KIF13A: variants seen among roughly 807,000 people sequenced by gnomAD.
The protein encoded by KIF13A is kinesin family member 13A.
KIF13A carries 79 observed loss-of-function variants against 212.2 expected under a neutral mutation model. That is an observed-to-expected ratio of 0.37 (90% CI 0.31 to 0.45). The LOEUF is 0.45. Among genes scored for constraint, KIF13A ranks in the 20% least tolerant of loss-of-function variants. The pLI is 1.00. For missense variants in KIF13A, 1,901 were observed against 2,209.0 expected (o/e 0.86, Z 2.79); for synonymous variants, 789 against 808.6 (o/e 0.98, Z 0.41).
In KIF13A at chr6:17,843,561, TTGGAATGATAGAGC is replaced by T. The variant is rs1766725595; in HGVS notation, c.830+5802_830+5815del. 6.6e-6 allele frequency among the ~76,000 whole-genome samples: 1 copy of T among 152,204 alleles called. No homozygotes were observed. The highest frequency in any genetic ancestry group is 2.4e-5 in the African/African-American group (1 of 41,450). On this transcript the variant is annotated intron_variant, in intron 9 of 38. Coordinates refer to ENST00000259711, the MANE Select transcript of KIF13A (RefSeq NM_022113.6). This position sits in a 1 kb window ranked among gnomAD's most constrained non-coding sequence, Gnocchi z 5.3. Reference sequence around the variant, plus strand: ...TGTACCACAGATATGGATACGATGTTTGGAATGATAGAGCTATCCTGAGATCATGAAGATGACAT... The same window carrying T: ...TGTACCACAGATATGGATACGATGTTTATCCTGAGATCATGAAGATGACAT...
rs1779056754 is a variant in KIF13A, at chr6:17,963,753, C to T, written c.146+23301G>A. On this transcript the variant is annotated intron_variant, in intron 2 of 38. Transcript: ENST00000259711. This position sits in a 1 kb window ranked among gnomAD's most constrained non-coding sequence, Gnocchi z 4.1. ...TGCATTTTTAGTAGAGACAGGGTTCCACCATGTTGGCCAAGCTGGTTTCAT... is the reference window on the plus strand; with the variant it reads ...TGCATTTTTAGTAGAGACAGGGTTCTACCATGTTGGCCAAGCTGGTTTCAT... 6.6e-6 allele frequency among the ~76,000 whole-genome samples: 1 copy of T among 152,126 alleles called. No homozygotes were observed. The highest frequency in any genetic ancestry group is 1.5e-5 in the Non-Finnish European group (1 of 68,014).
At chr6:17,873,269 G>A in intron 4 of KIF13A, 108 bp downstream of exon 4, 2 of 716,676 alleles carry the variant, frequency 2.8e-6, no homozygotes, top group Non-Finnish European at 4.6e-6. Flanking sequence ...GAAAGAACAG[G>A]TGTGAATTAC....
chr6:17,883,053 C>T lies in KIF13A; in HGVS notation c.160-9616G>A, dbSNP rs985945784. 3.3e-5 allele frequency among the ~76,000 whole-genome samples: 5 copies of T among 152,104 alleles called. No individual in the cohort carries two copies. Among genetic ancestry groups the T allele is most frequent in the African/African-American group, 1.2e-4 (5 of 41,402 alleles). ...TCTTTTCATTACCAAAAATACTCGG[C>T]GAATTTACATTTTAAAGCAACTTTT... On this transcript the variant is annotated intron_variant, in intron 3 of 38. Coordinates refer to ENST00000259711, the MANE Select transcript of KIF13A (RefSeq NM_022113.6). This position sits in a 1 kb window ranked among gnomAD's most constrained non-coding sequence, Gnocchi z 4.8.
intron 4 of KIF13A, 163 bp downstream of exon 4, chr6:17,873,214 C>G (rs941404037): frequency 1.3e-5 from 7 of 539,962 alleles, no homozygotes; most frequent in Non-Finnish European, 1.9e-5. Context: ...GACCCAGATT[C>G]TGAAACCAAA....
rs202231672 is a variant in KIF13A at position 17,799,361 on chromosome 6, A to T, written c.2695T>A (p.Cys899Ser). 5.7e-5 allele frequency: 92 copies of T among 1,612,674 alleles called. No individual in the cohort carries two copies. In the African/African-American group the frequency reaches 9.3e-4, roughly 16 times the overall value. ...VFCQYTFWDQ[C>S]ESTVAAPVVD... ...ACCGGGGCAGCCACCGTAGACTCAC[A>T]CTGGTCCCAGAATGTGTATTGACAG... Residue 899 changes from cysteine to serine, a missense_variant, in exon 22 of 39, where the codon TGT becomes AGT. Around this residue, in one of 5 missense-constraint regions of KIF13A, gnomAD observed 534 missense variants for 536.9 expected, o/e 0.99. Coordinates refer to ENST00000259711, the MANE Select transcript of KIF13A (RefSeq NM_022113.6). This position sits in a 1 kb window ranked among gnomAD's most constrained non-coding sequence, Gnocchi z 4.4.
chr6:17,962,526 G>GGCA (rs1344559864), intron 2 of KIF13A, among the ~76,000 whole-genome samples: 2 of 151,916 alleles, frequency 1.3e-5, no homozygotes, highest in Admixed American at 6.6e-5. Flanking sequence ...GCCAGGAAGA[G>GGCA]GCAGCAGCCA....
chr6:17,986,641 C>T (rs183957947), intron 2 of KIF13A, among the ~76,000 whole-genome samples: 2 of 152,374 alleles, frequency 1.3e-5, no homozygotes, highest in East Asian at 1.9e-4. Context: ...AGGAAACAAA[C>T]CCTGCAGTGA....
intron 31 of KIF13A, among the ~76,000 whole-genome samples, chr6:17,780,308 C>G (rs1055088431): frequency 6.6e-6 from 1 of 152,184 alleles, no homozygotes; most frequent in African/African-American, 2.4e-5. Flanking sequence ...ATGGCTAGAA[C>G]AACACTGGAG....
Position 17,834,695 on chromosome 6 carries a change from A to G in KIF13A, c.1156-624T>C, listed in dbSNP as rs552224879. ...CAGCTTAACAAAATTTTGAGGGGAG[A>G]GGCCTTTACTTGTCAATAATATGCT... On this transcript the variant is annotated intron_variant, in intron 11 of 38. Coordinates refer to ENST00000259711, the MANE Select transcript of KIF13A (RefSeq NM_022113.6). The surrounding 1 kb of genome is among the most constrained non-coding windows in gnomAD (Gnocchi z 4.0). Among the ~76,000 whole-genome samples the G allele has an allele frequency of 9.2e-5, 14 of 152,178 alleles. No homozygotes were observed. The highest frequency in any genetic ancestry group is 2.0e-4 in the Admixed American group (3 of 15,284).
intron 18 of KIF13A, among the ~76,000 whole-genome samples, chr6:17,807,242 C>G (rs1007536535): frequency 1.3e-5 from 2 of 152,048 alleles, no homozygotes; most frequent in Non-Finnish European, 2.9e-5. Context: ...ACAAAAAGAG[C>G]CATATTTTTC....
intron 3 of KIF13A, among the ~76,000 whole-genome samples, chr6:17,877,638 A>G (rs1452719681): frequency 6.6e-6 from 1 of 152,054 alleles, no homozygotes; most frequent in African/African-American, 2.4e-5. Context: ...TAAACAGCCA[A>G]TAGAGGCTAT....
intron 38 of KIF13A, chr6:17,770,442 G>GT (rs1759400250): frequency 7.2e-6 from 1 of 139,608 alleles, no homozygotes; most frequent in Non-Finnish European, 1.5e-5. Context: ...TTTTAAAACT[G>GT]TATCTCAAAT....
At chr6:17,955,037 C>T (rs114852172) in intron 2 of KIF13A, among the ~76,000 whole-genome samples, 325 of 152,042 alleles carry the variant, frequency 2.1e-3, no homozygotes, top group African/African-American at 7.5e-3. Context: ...ATGCTGGTGC[C>T]CAGGTTGGTC....
At chr6:17,909,584 T>C (rs998581503) in intron 2 of KIF13A, among the ~76,000 whole-genome samples, 2 of 146,288 alleles carry the variant, frequency 1.4e-5, no homozygotes, top group African/African-American at 5.1e-5. Flanking sequence ...ATATGTATGA[T>C]AGAGGAAGGG....
intron 2 of KIF13A, among the ~76,000 whole-genome samples, chr6:17,976,686 T>C (rs2150628246): frequency 6.6e-6 from 1 of 151,614 alleles, no homozygotes; most frequent in East Asian, 2.0e-4. Flanking sequence ...AAGTGGGAGC[T>C]CAGGCAGAGG....
rs571472384 is a variant in KIF13A at position 17,968,522 on chromosome 6, C to T, written c.146+18532G>A. ...TGGCAGTACAGGAAATGAAACATCC[C>T]GACCTCACAACTTTGCCTAGGATAG... On this transcript the variant is annotated intron_variant, in intron 2 of 38. Coordinates refer to ENST00000259711, the MANE Select transcript of KIF13A (RefSeq NM_022113.6). The surrounding 1 kb of genome is among the most constrained non-coding windows in gnomAD (Gnocchi z 4.7). Among the ~76,000 whole-genome samples, 1 of 151,424 alleles carries T rather than the reference C, an allele frequency of 6.6e-6. No individual in the cohort carries two copies. Among genetic ancestry groups the T allele is most frequent in the East Asian group, 2.0e-4 (1 of 5,078 alleles).
chr6:17,795,633 T>C (rs899557505), intron 23 of KIF13A, among the ~76,000 whole-genome samples: 3 of 152,046 alleles, frequency 2.0e-5, no homozygotes, highest in African/African-American at 7.2e-5. Context: ...ACAATTCTAT[T>C]TGTGGACTTG....
At chr6:17,917,564 A>G (rs1774653542) in intron 2 of KIF13A, among the ~76,000 whole-genome samples, 1 of 152,026 alleles carries the variant, frequency 6.6e-6, no homozygotes, top group Non-Finnish European at 1.5e-5. Context: ...TTGACACCTT[A>G]TCTTATTCAT....
intron 3 of KIF13A, among the ~76,000 whole-genome samples, chr6:17,891,884 C>T (rs1269798360): frequency 6.6e-6 from 1 of 152,194 alleles, no homozygotes; most frequent in African/African-American, 2.4e-5. Context: ...TCTTCCTCCT[C>T]TTTTCATTCT....
Sources: allele counts gnomAD v4.1 joint callset (sites outside exome capture counted in the v4.1 genomes callset), GRCh38; gene constraint gnomAD v4.1.1; regional missense constraint gnomAD v4.1.1; non-coding constraint Gnocchi (gnomAD v3.1); transcripts MANE v1.5; gene names NCBI Gene and HGNC (gene_info 2026-07-23, HGNC 2026-07-21).